Variants in EPS8L1 observed in about 807,000 individuals in gnomAD.
The protein encoded by EPS8L1 is EPS8 signaling adaptor L1.
In EPS8L1, 101 loss-of-function variants were observed where a neutral mutation model predicts 91.7. That is an observed-to-expected ratio of 1.10 (90% CI 0.94 to 1.30). EPS8L1 has a LOEUF of 1.30. Among genes scored for constraint, EPS8L1 ranks in the 50% most tolerant of loss-of-function variants. The probability of loss-of-function intolerance (pLI) is 0.00; values close to 1 mark genes in which losing one functional copy is unlikely to be tolerated. For synonymous variants in EPS8L1, 506 were observed against 445.3 expected, an observed-to-expected ratio of 1.14 and a Z score of -1.72; for missense variants, 1,114 against 1,017.0, an observed-to-expected ratio of 1.10 and a Z score of -1.30.
At chr19:55,076,079 G>T (rs1413983765) in intron 1 of EPS8L1, among the ~76,000 whole-genome samples, 160 bp downstream of exon 1, 2 of 114,408 alleles carry the variant, frequency 1.7e-5, no homozygotes, top group South Asian at 2.4e-4. Context: ...TGGACTCCTA[G>T]GTCTGAGGGA....
chr19:55,082,034 T>G (rs1361561595), intron 9 of EPS8L1, 58 bp from the exon 10 acceptor site: 1 of 1,553,192 alleles, frequency 6.4e-7, no homozygotes, highest in Admixed American at 1.9e-5. Flanking sequence ...TCCACCTCTC[T>G]CTGCCTGCCT....
In EPS8L1 at chr19:55,086,437, C is replaced by A; in HGVS notation, c.1696C>A (p.Pro566Thr). 6.4e-7 allele frequency: 1 copy of A among 1,555,590 alleles called. No individual in the cohort carries two copies. Among genetic ancestry groups the A allele is most frequent in the Non-Finnish European group, 8.7e-7 (1 of 1,148,778 alleles). The change falls in exon 17 of 20, where the codon CCA becomes ACA. Residue 566 changes from proline to threonine, a missense_variant. By Grantham distance (38) the Pro-to-Thr change is conservative (BLOSUM62 -1). Transcript: ENST00000201647. ...ACCAGCCCCAGCCCCGGCCCCACCT[C>A]CAGCTCTGGCTCGGCCCCGCTGGGA... is the stretch of plus-strand genomic sequence containing the variant. ...PPPAPAPAPP[P>T]ALARPRWDRP...
rs746455910 is a variant in EPS8L1 at position 55,079,787 on chromosome 19, G to A, written c.215G>A (p.Trp72Ter). Residue 72 changes from tryptophan to a stop codon, truncating the protein, a stop_gained, in exon 5 of 20, where the codon TGG (tryptophan) becomes TAG (stop). Transcript: ENST00000201647. LOFTEE classifies it high-confidence loss of function. ...GTCATGGATAGCCAGGGCCGAGTCTGGGCACAGGAGATGCTGCTGCGAGTG... is the reference window on the plus strand; with the variant it reads ...GTCATGGATAGCCAGGGCCGAGTCTAGGCACAGGAGATGCTGCTGCGAGTG... ...LAVMDSQGRVWAQEMLLRVSP... is the reference protein window; with the variant it reads ...LAVMDSQGRV 4 of 1,614,016 alleles carry A rather than the reference G, an allele frequency of 2.5e-6. No homozygotes were observed. The African/African-American group carries it at 4.0e-5, about 16-fold the overall frequency.
intron 17 of EPS8L1, 78 bp from the exon 18 acceptor site, chr19:55,086,636 C>CCCCCCCCCCCCCCCCCCCGGG: frequency 9.4e-6 from 9 of 956,942 alleles, no homozygotes; most frequent in African/African-American, 2.9e-5. Context: ...CGCTGGAGCG[C>CCCCCCCCCCCCCCCCCCCGGG]CCCCCCGCCC....
In EPS8L1 at chr19:55,082,573, C is replaced by T. The variant is rs779778719; in HGVS notation, c.1185C>T (p.Thr395=). 2.0e-5 allele frequency: 32 copies of T among 1,579,260 alleles called. No individual in the cohort carries two copies. The African/African-American group carries it at 2.2e-4, about 11-fold the overall frequency. Residue 395 remains threonine, a synonymous_variant, in exon 12 of 20, where the codon ACC becomes ACT. Coordinates refer to ENST00000201647, the MANE Select transcript of EPS8L1 (RefSeq NM_133180.3). ...NVTPRENELW[T]SLGDSWTRPG... ...CTCCACGTGAAAACGAGCTCTGGAC[C>T]TCGCTGGGGGACTCGTGGACCCGCC...
Position 55,086,126 on chromosome 19 carries a change from C to CT in EPS8L1, c.1585dup (p.Tyr529LeufsTer55), listed in dbSNP as rs756281668. 5 of 1,607,504 alleles carry CT rather than the reference C, an allele frequency of 3.1e-6. No individual in the cohort carries two copies. Among genetic ancestry groups the CT allele is most frequent in the Non-Finnish European group, 4.3e-6 (5 of 1,176,228 alleles). On this transcript the variant is annotated frameshift_variant, in exon 16 of 20. Coordinates refer to ENST00000201647, the MANE Select transcript of EPS8L1 (RefSeq NM_133180.3). LOFTEE classifies it high-confidence loss of function. Reference sequence around the variant, plus strand: ...CAGCGGGGCAGGAGGGATATGTGCCCTACAACATCCTGACACCCTACCCCG... The same window carrying CT: ...CAGCGGGGCAGGAGGGATATGTGCCCTTACAACATCCTGACACCCTACCCCG...
rs532433618 is a variant in EPS8L1, at chr19:55,082,496, C to A, written c.1108C>A (p.Arg370=). 1.2e-6 allele frequency: 2 copies of A among 1,612,346 alleles called. No individual in the cohort carries two copies. Among genetic ancestry groups the A allele is most frequent in the South Asian group, 2.2e-5 (2 of 91,024 alleles). The change falls in exon 12 of 20, where the codon CGG becomes AGG. Residue 370 remains arginine, a synonymous_variant. Transcript: ENST00000201647. ...GGGGCCGGAGTTCGCGAGCAGTGTG[C>A]GGCGGCCGCATCTGACATCGGATGC... The part of the protein sequence containing the change: ...SGGPEFASSV[R]RPHLTSDAVA...
intron 1 of EPS8L1, among the ~76,000 whole-genome samples, chr19:55,076,170 AC>A (rs1189755633): frequency 1.9e-4 from 7 of 36,582 alleles, no homozygotes; most frequent in East Asian, 8.9e-4. Flanking sequence ...GGAGGAGTGG[AC>A]TGGGGTCTGG....
chr19:55,083,245 TGGTGAAAA>T lies in EPS8L1; in HGVS notation c.1215-131_1215-124del. 8.2e-7 allele frequency: 1 copy of T among 1,226,586 alleles called. No individual in the cohort carries two copies. Among genetic ancestry groups the T allele is most frequent in the Non-Finnish European group, 1.1e-6 (1 of 874,072 alleles). 76.0% of individuals were successfully genotyped at this position (1,226,586 alleles called of 1,614,324 possible). On this transcript the variant is annotated intron_variant, in intron 12 of 19. Transcript: ENST00000201647. The surrounding 1 kb of genome is among the most constrained non-coding windows in gnomAD (Gnocchi z 4.7). ...TGGGCTTAGAGCTACCGGCAGGACT[TGGTGAAAA>T]GTGGCGGGGCTAGAATCGTTGGAAT...
Position 55,081,377 on chromosome 19 carries a change from C to G in EPS8L1, c.659C>G (p.Ala220Gly), listed in dbSNP as rs760726522. The change falls in exon 8 of 20, where the codon GCA becomes GGA. Residue 220 changes from alanine (A) to glycine (G), a missense_variant. By Grantham distance (60) the Ala-to-Gly change is moderately conservative (BLOSUM62 0). Transcript: ENST00000201647. This position sits in a 1 kb window ranked among gnomAD's most constrained non-coding sequence, Gnocchi z 4.9. ...CCCCAGGCGAAGCCCATTCCCGAGGCAGAGGAGGCGCAGAGGCCTGAGCCG... is the reference window on the plus strand; with the variant it reads ...CCCCAGGCGAAGCCCATTCCCGAGGGAGAGGAGGCGCAGAGGCCTGAGCCG... ...GRPQAKPIPE[A>G]EEAQRPEPVG... The G allele has an allele frequency of 1.3e-6, 2 of 1,577,112 alleles. No homozygotes were observed. The highest frequency in any genetic ancestry group is 1.7e-6 in the Non-Finnish European group (2 of 1,164,322).
chr19:55,078,219 G>A lies in EPS8L1; in HGVS notation c.58+91G>A. 2.6e-6 allele frequency: 3 copies of A among 1,141,564 alleles called. No homozygotes were observed. In the South Asian group the frequency reaches 4.0e-5, roughly 15 times the overall value. 70.7% of individuals were successfully genotyped at this position (1,141,564 alleles called of 1,614,324 possible). On this transcript the variant is annotated intron_variant, in intron 3 of 19. Transcript: ENST00000201647. ...CAGGGTCTTGGAGGAGGAGGGGCTGGGGGTCTGGACTCCTGAGTCAGAGGG... is the reference window on the plus strand; with the variant it reads ...CAGGGTCTTGGAGGAGGAGGGGCTGAGGGTCTGGACTCCTGAGTCAGAGGG...
rs373089208 is a variant in EPS8L1, at chr19:55,079,700, C to T, written c.128C>T (p.Thr43Met). ...CATGGTCCGTACCAGCACCTGGTGA[C>T]GTTCTGCCTGGGTGAGGACGATGGC... ...VSQYPVNHLV[T>M]FCLGEDDGVH... Residue 43 changes from threonine to methionine, a missense_variant, in exon 5 of 20, where the codon ACG becomes ATG. Thr to Met is a moderately conservative substitution (Grantham distance 81). Transcript: ENST00000201647. The T allele has an allele frequency of 6.8e-6, 11 of 1,613,648 alleles. No homozygotes were observed. Among genetic ancestry groups the T allele is most frequent in the Middle Eastern group, 1.6e-4 (1 of 6,078 alleles).
rs757649345 is a variant in EPS8L1 at position 55,082,302 on chromosome 19, C to T, written c.1018C>T (p.Pro340Ser). The T allele has an allele frequency of 1.6e-5, 26 of 1,612,432 alleles. No homozygotes were observed. The East Asian group carries it at 5.6e-4, about 35-fold the overall frequency. ...CCGGCTGCGCGGCAACATCGCCGACCCCTCCTCTCCGGAGCTGTTGCACTT... is the reference window on the plus strand; with the variant it reads ...CCGGCTGCGCGGCAACATCGCCGACTCCTCCTCTCCGGAGCTGTTGCACTT... The part of the protein sequence containing the change: ...LARLRGNIAD[P>S]SSPELLHFLF... Residue 340 changes from proline to serine, a missense_variant, in exon 11 of 20, where the codon CCC (proline) becomes TCC (serine). Coordinates refer to ENST00000201647, the MANE Select transcript of EPS8L1 (RefSeq NM_133180.3).
chr19:55,079,966 G>A, intron 5 of EPS8L1, 115 bp downstream of exon 5: 2 of 1,451,404 alleles, frequency 1.4e-6, no homozygotes, highest in Non-Finnish European at 1.8e-6. Flanking sequence ...AGGGACCCCA[G>A]CCCCCTTCTT....
In EPS8L1 at chr19:55,087,762, G is replaced by A. The variant is rs996152845; in HGVS notation, c.*148G>A. On this transcript the variant is annotated 3_prime_UTR_variant, in exon 20 of 20. Coordinates refer to ENST00000201647, the MANE Select transcript of EPS8L1 (RefSeq NM_133180.3). The stretch of plus-strand genomic sequence containing the variant: ...CCCCATCCCGGTGGACAGACTTAAC[G>A]ATCCTTGCTGCAGTCCCTCCGGAGA... 7.5e-6 allele frequency: 6 copies of A among 804,594 alleles called. No homozygotes were observed. In the East Asian group the frequency reaches 8.1e-5, roughly 11 times the overall value. The allele number at this position is 804,594 out of a possible 1,614,324, so 49.8% of individuals were successfully genotyped here.
At chr19:55,084,033 T>G in intron 14 of EPS8L1, 1 of 439,574 alleles carries the variant, frequency 2.3e-6, no homozygotes. Context: ...CCCTGGATAT[T>G]GGAGGGGAGA....
chr19:55,087,238 A>T (rs967643859), intron 18 of EPS8L1, 65 bp from the exon 19 acceptor site: 9 of 1,532,702 alleles, frequency 5.9e-6, no homozygotes, highest in Non-Finnish European at 7.9e-6. Context: ...GGTGGGCGTG[A>T]CATGATTGTC....
intron 12 of EPS8L1, among the ~76,000 whole-genome samples, chr19:55,082,829 T>A (rs1388798998): frequency 6.9e-6 from 1 of 144,768 alleles, no homozygotes; most frequent in Admixed American, 6.9e-5. Flanking sequence ...ACCAATCGGA[T>A]TGAAAGAAAA....
intron 12 of EPS8L1, among the ~76,000 whole-genome samples, chr19:55,082,977 C>G (rs1219115986): frequency 2.6e-5 from 4 of 152,056 alleles, no homozygotes; most frequent in Non-Finnish European, 1.5e-5. Flanking sequence ...GGCAGTTCCG[C>G]AGGGAAAGGG....
Sources: gnomAD v4.1 joint callset for allele counts (sites outside exome capture counted in the v4.1 genomes callset) on GRCh38, gnomAD v4.1.1 for gene constraint, Gnocchi (gnomAD v3.1) non-coding constraint, MANE v1.5 for transcripts, NCBI Gene and HGNC (gene_info 2026-07-23, HGNC 2026-07-21) for gene names.